XKR9: variants seen among roughly 807,000 people sequenced by gnomAD.
The protein encoded by XKR9 is XK-related protein 9.
XKR9 carries 32 observed loss-of-function variants against 32.0 expected under a neutral mutation model. That is an observed-to-expected ratio of 1.00 (90% CI 0.76 to 1.34). The LOEUF (loss-of-function observed/expected upper bound fraction) is 1.34. Among genes scored for constraint, XKR9 ranks in the 40% most tolerant of loss-of-function variants. The pLI, the probability that XKR9 is intolerant of heterozygous loss-of-function variation, is 0.00. For missense variants in XKR9, 546 were observed against 429.7 expected (o/e 1.27, Z -2.39); for synonymous variants, 168 against 143.4 (o/e 1.17, Z -1.22).
chr8:70,821,224 C>T, the XKR9 span, among the ~76,000 whole-genome samples: 1 of 152,230 alleles, frequency 6.6e-6, no homozygotes, highest in Non-Finnish European at 1.5e-5. Flanking sequence ...AATCTTAAAG[C>T]TCCAAAATGA....
the XKR9 span, among the ~76,000 whole-genome samples, chr8:70,801,971 G>C: frequency 1.4e-5 from 2 of 138,764 alleles, no homozygotes; most frequent in African/African-American, 5.4e-5. Flanking sequence ...GTCTTGCTCT[G>C]TCGCCCAGAG....
At chr8:70,790,617 G>C (rs1807751950), downstream of XKR9, among the ~76,000 whole-genome samples, 1 of 151,978 alleles carries the variant, frequency 6.6e-6, no homozygotes, top group Non-Finnish European at 1.5e-5. Flanking sequence ...ATGGGGAGAG[G>C]ATGTTTGCCT....
chr8:70,866,437 A>G, the XKR9 span, among the ~76,000 whole-genome samples: 1 of 152,174 alleles, frequency 6.6e-6, no homozygotes, highest in Non-Finnish European at 1.5e-5. Context: ...TCATTCAATT[A>G]CATATTTGGA....
downstream of XKR9, among the ~76,000 whole-genome samples, chr8:70,738,193 G>A (rs1428179421): frequency 1.2e-4 from 16 of 135,284 alleles, no homozygotes; most frequent in Middle Eastern, 3.6e-3. Flanking sequence ...CTGGGTTAGT[G>A]TTGGGAGGGT....
chr8:70,984,022 CA>C, the XKR9 span, among the ~76,000 whole-genome samples: 409 of 152,156 alleles, frequency 2.7e-3, 3 homozygotes, highest in African/African-American at 8.2e-3. Context: ...CTTTGGTATG[CA>C]AGAAACATCA....
downstream of XKR9, among the ~76,000 whole-genome samples, chr8:70,736,422 G>C (rs1265210889): frequency 2.0e-5 from 3 of 152,200 alleles, no homozygotes; most frequent in Admixed American, 6.5e-5. Context: ...TAGGTTGCCT[G>C]TTCACTCTGA....
the XKR9 span, among the ~76,000 whole-genome samples, chr8:70,959,605 C>T: frequency 6.6e-6 from 1 of 152,164 alleles, no homozygotes; most frequent in East Asian, 1.9e-4. Context: ...CTGACTTATG[C>T]ATTTTAGCTG....
chr8:70,889,887 G>A, the XKR9 span, among the ~76,000 whole-genome samples: 1 of 151,992 alleles, frequency 6.6e-6, no homozygotes, highest in East Asian at 1.9e-4. Context: ...ACATAAGAGT[G>A]AATGTGTCTT....
chr8:70,906,224 G>C, the XKR9 span, among the ~76,000 whole-genome samples: 1 of 152,242 alleles, frequency 6.6e-6, no homozygotes, highest in East Asian at 1.9e-4. Flanking sequence ...CCTGCCCCTA[G>C]AGGTGGAGTC....
the XKR9 span, among the ~76,000 whole-genome samples, chr8:70,810,880 A>G: frequency 6.6e-6 from 1 of 152,172 alleles, no homozygotes; most frequent in African/African-American, 2.4e-5. Context: ...AGACAGATCA[A>G]CGAGACAGAA....
At chr8:70,825,228 T>C in the XKR9 span, among the ~76,000 whole-genome samples, 3 of 152,092 alleles carry the variant, frequency 2.0e-5, no homozygotes, top group Non-Finnish European at 2.9e-5. Context: ...CTACTGATCA[T>C]ATACTTAGAC....
the XKR9 span, among the ~76,000 whole-genome samples, chr8:70,967,886 C>G: frequency 1.3e-5 from 2 of 151,950 alleles, no homozygotes; most frequent in Non-Finnish European, 2.9e-5. Context: ...TGCATTCTGA[C>G]CTTGGAGAAT....
chr8:70,742,859 A>G (rs145539830), intron 2 of XKR9, among the ~76,000 whole-genome samples: 93 of 152,132 alleles, frequency 6.1e-4, no homozygotes, highest in African/African-American at 2.2e-3. Context: ...TTGCAGTTGT[A>G]TGACTACTGT....
At chr8:70,953,315 ATTG>A in the XKR9 span, among the ~76,000 whole-genome samples, 1 of 152,072 alleles carries the variant, frequency 6.6e-6, no homozygotes, top group Admixed American at 6.6e-5. Flanking sequence ...CATTATTATT[ATTG>A]TTACTATTAT....
At chr8:71,006,968 C>T in the XKR9 span, among the ~76,000 whole-genome samples, 1 of 152,248 alleles carries the variant, frequency 6.6e-6, no homozygotes, top group African/African-American at 2.4e-5. Context: ...GGTTGTAGAG[C>T]CTGGAATAAT....
chr8:70,960,358 G>C, the XKR9 span, among the ~76,000 whole-genome samples: 1 of 152,078 alleles, frequency 6.6e-6, no homozygotes, highest in Non-Finnish European at 1.5e-5. Flanking sequence ...TTCCTTTTGG[G>C]TAGCAGCCAT....
At chr8:70,983,037 C>G in the XKR9 span, among the ~76,000 whole-genome samples, 1 of 152,184 alleles carries the variant, frequency 6.6e-6, no homozygotes, top group African/African-American at 2.4e-5. Context: ...GTCACCCCTT[C>G]TAGTTTAAAT....
the XKR9 span, among the ~76,000 whole-genome samples, chr8:70,816,409 AATT>A: frequency 6.6e-6 from 1 of 152,196 alleles, no homozygotes. Flanking sequence ...AAGGAAATGA[AATT>A]ATTATATGAA....
At chr8:70,762,326 G>A (rs144227545) in intron 2 of XKR9, among the ~76,000 whole-genome samples, 86 of 152,180 alleles carry the variant, frequency 5.7e-4, no homozygotes, top group Middle Eastern at 3.4e-3. Flanking sequence ...TGTTCCAGGA[G>A]TCACCAACCC....
Sources: gnomAD v4.1 joint callset for allele counts (sites outside exome capture counted in the v4.1 genomes callset) on GRCh38, gnomAD v4.1.1 for gene constraint, MANE v1.5 for transcripts, NCBI Gene and HGNC (gene_info 2026-07-23, HGNC 2026-07-21) for gene names.